Variants in CUX2 observed in about 807,000 individuals in gnomAD.
The protein encoded by CUX2 is homeobox protein cut-like 2.
A neutral mutation model predicts 144.8 loss-of-function variants in CUX2; 40 were observed. The ratio of observed to expected loss-of-function variants is 0.28; its 90% CI spans 0.21 to 0.36. CUX2 has a LOEUF of 0.36. Ranked by LOEUF, CUX2 falls within the 10% of genes least tolerant of loss-of-function variation. The probability of loss-of-function intolerance (pLI) is 1.00; values close to 1 mark genes in which losing one functional copy is unlikely to be tolerated. For missense variants in CUX2, 1,615 were observed against 1,994.0 expected (o/e 0.81, Z 3.62); for synonymous variants, 827 against 875.6 (o/e 0.94, Z 0.98).
intron 5 of CUX2, among the ~76,000 whole-genome samples, chr12:111,292,645 G>A (rs1885752397): frequency 6.6e-6 from 1 of 152,106 alleles, no homozygotes. Context: ...GACAGGAAAG[G>A]CCACGTAATG....
chr12:111,303,415 C>T (rs1886407975), intron 9 of CUX2, among the ~76,000 whole-genome samples: 1 of 151,542 alleles, frequency 6.6e-6, no homozygotes, highest in Non-Finnish European at 1.5e-5. Flanking sequence ...GCGGGTGGAT[C>T]ACCTGAGGTC....
intron 1 of CUX2, among the ~76,000 whole-genome samples, chr12:111,090,108 G>C (rs539073172): frequency 6.6e-6 from 1 of 152,170 alleles, no homozygotes; most frequent in Non-Finnish European, 1.5e-5. Flanking sequence ...TCTGATCCCC[G>C]GTCCTGGAGC....
At chr12:111,184,590 A>C (rs900145243) in intron 1 of CUX2, among the ~76,000 whole-genome samples, 8 of 151,346 alleles carry the variant, frequency 5.3e-5, no homozygotes, top group Admixed American at 2.6e-4. Flanking sequence ...AAAAAAAAAA[A>C]AAAAAAAAAC....
At position 111,295,489 on chromosome 12, in the gene CUX2, G is replaced by T. The variant is rs1220510671; in HGVS notation, c.637+80G>T. The T allele has an allele frequency of 4.9e-6, 6 of 1,236,074 alleles. No homozygotes were observed. Among genetic ancestry groups the T allele is most frequent in the South Asian group, 4.3e-5 (3 of 70,322 alleles). 76.6% of individuals were successfully genotyped at this position (1,236,074 alleles called of 1,614,324 possible). ...TGTCAACGAGGGGTCACGGCTTGGG[G>T]TCTGCCACATCCAGGTGTTTTAGAA... is the stretch of plus-strand genomic sequence containing the variant. On this transcript the variant is annotated intron_variant, in intron 7 of 21. Coordinates refer to ENST00000261726, the MANE Select transcript of CUX2 (RefSeq NM_015267.4). The surrounding 1 kb of genome is among the most constrained non-coding windows in gnomAD (Gnocchi z 5.0).
chr12:111,179,593 GGTTGTT>G (rs150316221), intron 1 of CUX2, among the ~76,000 whole-genome samples: 5 of 151,372 alleles, frequency 3.3e-5, no homozygotes, highest in South Asian at 2.1e-4. Context: ...CCATCGCCGT[GGTTGTT>G]GTTGTTGTTG....
chr12:111,189,919 T>C (rs1879777259), intron 1 of CUX2, among the ~76,000 whole-genome samples: 1 of 152,166 alleles, frequency 6.6e-6, no homozygotes, highest in Non-Finnish European at 1.5e-5. Context: ...TGCAAGTAGT[T>C]TTCCCAGATA....
At position 111,341,911 on chromosome 12, in the gene CUX2, G is replaced by A. The variant is rs757404371; in HGVS notation, c.3517G>A (p.Val1173Met). 14 of 1,614,006 alleles carry A rather than the reference G, an allele frequency of 8.7e-6. No individual in the cohort carries two copies. Among genetic ancestry groups the A allele is most frequent in the Admixed American group, 1.7e-5 (1 of 59,984 alleles). ...LSLLQIKKPR[V>M]VLAPEEKEAL... ...CCTCCTGCAGATCAAGAAGCCCCGG[G>A]TGGTGCTGGCACCCGAGGAGAAGGA... Residue 1173 changes from valine to methionine, a missense_variant, in exon 21 of 22, where the codon GTG (valine) becomes ATG (methionine). Transcript: ENST00000261726.
At chr12:111,284,704 A>G (rs1432248930) in intron 4 of CUX2, among the ~76,000 whole-genome samples, 2 of 152,178 alleles carry the variant, frequency 1.3e-5, no homozygotes, top group African/African-American at 2.4e-5. Flanking sequence ...GGCTCTGCCT[A>G]CAGAGCCGCA....
intron 1 of CUX2, among the ~76,000 whole-genome samples, chr12:111,070,966 T>G (rs1200656493): frequency 6.6e-6 from 1 of 152,206 alleles, no homozygotes; most frequent in Non-Finnish European, 1.5e-5. Context: ...TGCCAAATAA[T>G]ATTCCATTGT....
intron 17 of CUX2, among the ~76,000 whole-genome samples, chr12:111,321,999 G>A (rs964563121): frequency 2.6e-5 from 4 of 151,900 alleles, no homozygotes; most frequent in African/African-American, 7.3e-5. Flanking sequence ...AATGAAGGCC[G>A]CCTGGACTCC....
intron 1 of CUX2, among the ~76,000 whole-genome samples, chr12:111,116,449 A>G (rs912245222): frequency 1.3e-5 from 2 of 152,230 alleles, no homozygotes; most frequent in African/African-American, 4.8e-5. Flanking sequence ...TTGGACTTAT[A>G]GATTTCATTC....
intron 3 of CUX2, among the ~76,000 whole-genome samples, chr12:111,247,509 C>T (rs1158693429): frequency 6.6e-6 from 1 of 152,216 alleles, no homozygotes; most frequent in Non-Finnish European, 1.5e-5. Flanking sequence ...TCCCTGCAGC[C>T]TTCCCAGAGA....
chr12:111,176,850 T>C (rs747934339), intron 1 of CUX2, among the ~76,000 whole-genome samples: 1 of 152,172 alleles, frequency 6.6e-6, no homozygotes, highest in Non-Finnish European at 1.5e-5. Flanking sequence ...CCGGAGGAAA[T>C]GCCTGCAGGT....
intron 1 of CUX2, among the ~76,000 whole-genome samples, chr12:111,088,039 A>C (rs1310939947): frequency 6.6e-6 from 1 of 152,228 alleles, no homozygotes; most frequent in Non-Finnish European, 1.5e-5. Flanking sequence ...GGGAAAAAAG[A>C]CTATTTCAAA....
chr12:111,327,427 T>A (rs1353705075), intron 18 of CUX2, among the ~76,000 whole-genome samples: 1 of 152,214 alleles, frequency 6.6e-6, no homozygotes, highest in African/African-American at 2.4e-5. Flanking sequence ...GTAACTCTTG[T>A]GTTTAACTTA....
chr12:111,214,362 C>T (rs775047621), intron 2 of CUX2, 52 bp downstream of exon 2: 1 of 1,082,472 alleles, frequency 9.2e-7, no homozygotes, highest in South Asian at 1.4e-5. Flanking sequence ...GCAGATTTCT[C>T]TCCATTCAAA....
chr12:111,140,688 TA>T lies in CUX2; in HGVS notation c.64-73511del, dbSNP rs576220288. On this transcript the variant is annotated intron_variant, in intron 1 of 21. Transcript: ENST00000261726. ...GCTAAGGGAACAGGCAAAATCAGAA[TA>T]GGGGTGGGGGAATGCGCAGCCCTTG... is the stretch of plus-strand genomic sequence containing the variant. 2.7e-3 allele frequency among the ~76,000 whole-genome samples: 413 copies of T among 152,250 alleles called. 3 individuals are homozygous for T. Among genetic ancestry groups the T allele is most frequent in the African/African-American group, 9.1e-3 (378 of 41,566 alleles).
At chr12:111,327,888 C>G (rs1484427582) in intron 18 of CUX2, among the ~76,000 whole-genome samples, 1 of 152,072 alleles carries the variant, frequency 6.6e-6, no homozygotes, top group Non-Finnish European at 1.5e-5. Flanking sequence ...AAAACCCCTT[C>G]TGTACAAAAT....
chr12:111,129,907 C>T (rs1875355574), intron 1 of CUX2, among the ~76,000 whole-genome samples: 1 of 152,148 alleles, frequency 6.6e-6, no homozygotes, highest in Admixed American at 6.5e-5. Context: ...CCCCACTCAG[C>T]CCCACTGTGA....
Sources: gnomAD v4.1 joint callset for allele counts (sites outside exome capture counted in the v4.1 genomes callset) on GRCh38, gnomAD v4.1.1 for gene constraint, Gnocchi (gnomAD v3.1) non-coding constraint, MANE v1.5 for transcripts, NCBI Gene and HGNC (gene_info 2026-07-23, HGNC 2026-07-21) for gene names.